RPS6KA2: variants seen among roughly 807,000 people sequenced by gnomAD.
RPS6KA2 encodes the protein ribosomal protein S6 kinase A2, also known as ribosomal protein S6 kinase alpha-2.
In RPS6KA2, 42 loss-of-function variants were observed where a neutral mutation model predicts 91.8. The ratio of observed to expected loss-of-function variants is 0.46; its 90% CI spans 0.36 to 0.59. The LOEUF is 0.59. RPS6KA2 is among the 20% of genes least tolerant of loss of function. The probability of loss-of-function intolerance (pLI) is 0.00; values close to 1 mark genes in which losing one functional copy is unlikely to be tolerated. For missense variants in RPS6KA2, 798 were observed against 978.5 expected, an observed-to-expected ratio of 0.82 and a Z score of 2.46; for synonymous variants, 414 against 393.6, an observed-to-expected ratio of 1.05 and a Z score of -0.61.
rs796259163 is a variant in RPS6KA2 at position 166,507,644 on chromosome 6, C to T, written c.459+559G>A. On this transcript the variant is annotated intron_variant, in intron 5 of 20. Transcript: ENST00000265678. ...CACACCCCACACATAGCACACACCA[C>T]GCACACCAACCCCACACATGCACAC... Among the ~76,000 whole-genome samples, 22 of 151,006 alleles carry T rather than the reference C, an allele frequency of 1.5e-4. 1 individual carries two copies. Among genetic ancestry groups the T allele is most frequent in the African/African-American group, 3.9e-4 (16 of 41,084 alleles).
intron 2 of RPS6KA2, among the ~76,000 whole-genome samples, chr6:166,667,037 G>A (rs114586913): frequency 0.013 from 1,955 of 152,310 alleles, 36 homozygotes; most frequent in African/African-American, 0.045. Context: ...GTGAGGTACC[G>A]AGAATACTCA....
intron 2 of RPS6KA2, among the ~76,000 whole-genome samples, chr6:166,664,966 C>T (rs1788273678): frequency 6.6e-6 from 1 of 152,086 alleles, no homozygotes; most frequent in Non-Finnish European, 1.5e-5. Flanking sequence ...CAAGTCTGGC[C>T]AGGTGTGGCG....
chr6:166,739,650 G>A (rs1433229471), intron 2 of RPS6KA2, among the ~76,000 whole-genome samples: 1 of 152,202 alleles, frequency 6.6e-6, no homozygotes, highest in African/African-American at 2.4e-5. Flanking sequence ...GGGACCCCAC[G>A]GTCATTGAGA....
chr6:166,770,993 T>C lies in RPS6KA2; in HGVS notation c.123+87207A>G. ...GTCAGCAACTTCATTAGCAAGGGCA[T>C]TACTACCATACTCACCAGGCCTGTG... On this transcript the variant is annotated intron_variant, in intron 2 of 21. Transcript: ENST00000503859. The surrounding 1 kb of genome is among the most constrained non-coding windows in gnomAD (Gnocchi z 5.1). 1 of 1,240,226 alleles carries C rather than the reference T, an allele frequency of 8.1e-7. No homozygotes were observed. Among genetic ancestry groups the C allele is most frequent in the East Asian group, 2.3e-5 (1 of 43,194 alleles). 76.8% of individuals were successfully genotyped at this position (1,240,226 alleles called of 1,614,324 possible).
At chr6:166,619,752 G>C (rs1409281982) in intron 1 of RPS6KA2, among the ~76,000 whole-genome samples, 1 of 152,246 alleles carries the variant, frequency 6.6e-6, no homozygotes, top group Non-Finnish European at 1.5e-5. Context: ...TTCACCCTCA[G>C]AAAGATTGTC....
At chr6:166,458,103 A>G (rs1368032348) in intron 12 of RPS6KA2, among the ~76,000 whole-genome samples, 1 of 152,058 alleles carries the variant, frequency 6.6e-6, no homozygotes, top group Non-Finnish European at 1.5e-5. Flanking sequence ...TTAAGGCCCT[A>G]CCCCCAAGTG....
At chr6:166,684,722 C>T (rs1232016336) in intron 2 of RPS6KA2, among the ~76,000 whole-genome samples, 1 of 152,204 alleles carries the variant, frequency 6.6e-6, no homozygotes, top group African/African-American at 2.4e-5. Flanking sequence ...CAGTGCAGCT[C>T]CATCCCCGAA....
At chr6:166,727,773 G>A (rs1790385358) in intron 2 of RPS6KA2, among the ~76,000 whole-genome samples, 1 of 152,180 alleles carries the variant, frequency 6.6e-6, no homozygotes, top group South Asian at 2.1e-4. Context: ...CTGGTGCAGT[G>A]CTGCTAGATA....
intron 1 of RPS6KA2, among the ~76,000 whole-genome samples, chr6:166,551,484 G>A (rs1049839087): frequency 2.6e-5 from 4 of 152,118 alleles, no homozygotes; most frequent in Non-Finnish European, 5.9e-5. Context: ...GAAGCCCTAC[G>A]AAAAACAATC....
intron 2 of RPS6KA2, among the ~76,000 whole-genome samples, chr6:166,695,043 C>T (rs1789318071): frequency 6.6e-6 from 1 of 152,178 alleles, no homozygotes; most frequent in Non-Finnish European, 1.5e-5. Flanking sequence ...CTATCCTGGC[C>T]ACCAAGGAGC....
intron 2 of RPS6KA2, among the ~76,000 whole-genome samples, chr6:166,783,841 T>TACGC (rs373561950): frequency 2.8e-5 from 2 of 72,258 alleles, no homozygotes; most frequent in Non-Finnish European, 6.6e-5. Context: ...CGTGCACACC[T>TACGC]ATCTATACCA....
At position 166,639,011 on chromosome 6, in the gene RPS6KA2, C is replaced by G. The variant is rs2128549057; in HGVS notation, c.124-100227G>C. ...AAGAAGAGGGAAAAAACCCTGTTCTCACCAGGTCGTCACCTATGCAAACAG... is the reference window on the plus strand; with the variant it reads ...AAGAAGAGGGAAAAAACCCTGTTCTGACCAGGTCGTCACCTATGCAAACAG... On this transcript the variant is annotated intron_variant, in intron 2 of 21. Transcript: ENST00000503859. This position sits in a 1 kb window ranked among gnomAD's most constrained non-coding sequence, Gnocchi z 4.2. 6.6e-6 allele frequency among the ~76,000 whole-genome samples: 1 copy of G among 152,296 alleles called. No homozygotes were observed. Among genetic ancestry groups the G allele is most frequent in the East Asian group, 1.9e-4 (1 of 5,184 alleles).
At chr6:166,439,740 T>A (rs1328988464) in intron 14 of RPS6KA2, 1 of 152,236 alleles carries the variant, frequency 6.6e-6, no homozygotes, top group Non-Finnish European at 1.5e-5. Context: ...ATATTTGTGT[T>A]CTCTGGTTGG....
intron 2 of RPS6KA2, among the ~76,000 whole-genome samples, chr6:166,674,944 T>C (rs975253086): frequency 6.6e-6 from 1 of 152,196 alleles, no homozygotes; most frequent in Non-Finnish European, 1.5e-5. Flanking sequence ...GCTGGGATTA[T>C]AGGCATGAGC....
chr6:166,787,742 A>T (rs1420229837), intron 2 of RPS6KA2, among the ~76,000 whole-genome samples: 1 of 152,152 alleles, frequency 6.6e-6, no homozygotes, highest in Non-Finnish European at 1.5e-5. Flanking sequence ...CCTAGGCAAC[A>T]CCATTCAGGA....
chr6:166,818,740 T>C (rs919306618), intron 2 of RPS6KA2, among the ~76,000 whole-genome samples: 1 of 152,176 alleles, frequency 6.6e-6, no homozygotes, highest in Non-Finnish European at 1.5e-5. Context: ...GATGTTATAA[T>C]CCAATGCCAT....
intron 1 of RPS6KA2, among the ~76,000 whole-genome samples, chr6:166,615,787 TG>T (rs1222309796): frequency 6.6e-5 from 10 of 152,154 alleles, no homozygotes; most frequent in Admixed American, 6.5e-4. Flanking sequence ...CCCCCCAGGA[TG>T]GGCGCTCTGT....
At chr6:166,514,393 G>A (rs1339304591) in intron 3 of RPS6KA2, among the ~76,000 whole-genome samples, 3 of 152,192 alleles carry the variant, frequency 2.0e-5, no homozygotes, top group African/African-American at 7.2e-5. Context: ...GCATGCTGGG[G>A]GAACTGGAAA....
At chr6:166,586,333 C>T in intron 1 of RPS6KA2, 2 of 1,599,458 alleles carry the variant, frequency 1.3e-6, no homozygotes, top group Non-Finnish European at 8.5e-7. Context: ...CTTTGGTTCC[C>T]ACCAGCTCTG....
Sources: allele counts gnomAD v4.1 joint callset (sites outside exome capture counted in the v4.1 genomes callset), GRCh38; gene constraint gnomAD v4.1.1; non-coding constraint Gnocchi (gnomAD v3.1); transcripts MANE v1.5; gene names NCBI Gene and HGNC (gene_info 2026-07-23, HGNC 2026-07-21).